The following NECAP1 variants were observed in gnomAD, a reference collection of about 807,000 sequenced individuals.
NECAP1 encodes adaptin ear-binding coat-associated protein 1.
Under a neutral mutation model 33.4 loss-of-function variants are expected in NECAP1, and 13 were observed. The ratio of observed to expected loss-of-function variants is 0.39; its 90% CI spans 0.25 to 0.62. The LOEUF is 0.62. NECAP1 is among the 20% of genes least tolerant of loss of function. The pLI, the probability that NECAP1 is intolerant of heterozygous loss-of-function variation, is 0.52. For missense variants in NECAP1, 272 were observed against 347.4 expected (o/e 0.78, Z 1.73); for synonymous variants, 109 against 125.2 (o/e 0.87, Z 0.86).
chr12:8,083,775 A>G lies in NECAP1; in HGVS notation c.95+1392A>G, dbSNP rs1230285791. On this transcript the variant is annotated intron_variant, in intron 1 of 7. Transcript: ENST00000339754. ...TGTTAGAGAGGCAGGGTCTCGTTCTATCATCCAGGCTGGAGTGCAAGTGGT... is the reference window on the plus strand; with the variant it reads ...TGTTAGAGAGGCAGGGTCTCGTTCTGTCATCCAGGCTGGAGTGCAAGTGGT... 6.7e-5 allele frequency among the ~76,000 whole-genome samples: 8 copies of G among 119,844 alleles called. No homozygotes were observed. In the East Asian group the frequency reaches 9.8e-4, roughly 15 times the overall value. 78.6% of individuals were successfully genotyped at this position (119,844 alleles called of 152,430 possible).
At chr12:8,086,888 G>A (rs748543629) in intron 1 of NECAP1, among the ~76,000 whole-genome samples, 26 of 151,764 alleles carry the variant, frequency 1.7e-4, no homozygotes, top group Non-Finnish European at 3.1e-4. Flanking sequence ...CCAAGATCGC[G>A]CCATTGCACT....
chr12:8,092,407 G>A (rs1947557838), intron 4 of NECAP1: 1 of 379,814 alleles, frequency 2.6e-6, no homozygotes. Context: ...GCCCTCAACT[G>A]TGGGGAATGG....
rs1947599830 is a variant in NECAP1, at chr12:8,096,869, G to C, written c.*779G>C. On this transcript the variant is annotated 3_prime_UTR_variant, in exon 8 of 8. Transcript: ENST00000339754. ...TGTGCTTTCCAAGTGATAGTCTATA[G>C]GAGTGTTTAATTTCTTGCAGCTCCA... 1 of 152,652 alleles carries C rather than the reference G, an allele frequency of 6.6e-6. No homozygotes were observed. The highest frequency in any genetic ancestry group is 1.5e-5 in the Non-Finnish European group (1 of 68,044). 9.5% of individuals were successfully genotyped at this position (152,652 alleles called of 1,614,324 possible). A position where few individuals can be genotyped will look rare whatever the true frequency, so the allele number is the denominator to read the frequency against.
intron 1 of NECAP1, among the ~76,000 whole-genome samples, chr12:8,087,941 G>C (rs1011721598): frequency 6.6e-6 from 1 of 152,004 alleles, no homozygotes; most frequent in Non-Finnish European, 1.5e-5. Flanking sequence ...CTCTCATCTT[G>C]TTAAACTCAT....
In NECAP1 at chr12:8,089,998, G is replaced by C; in HGVS notation, c.158G>C (p.Gly53Ala). The change falls in exon 2 of 8, where the codon GGG becomes GCG. Residue 53 changes from glycine to alanine, a missense_variant. By Grantham distance (60) the Gly-to-Ala change is moderately conservative. Coordinates refer to ENST00000339754, the MANE Select transcript of NECAP1 (RefSeq NM_015509.4). ...WTGRLRITSK[G>A]KTAYIKLEDK... ...GGTCGCCTCCGAATCACTTCAAAAG[G>C]GAAGACTGCCTATATCAAACTCGAG... 2 of 1,614,182 alleles carry C rather than the reference G, an allele frequency of 1.2e-6. No homozygotes were observed.
At chr12:8,088,095 T>G (rs1256933996) in intron 1 of NECAP1, among the ~76,000 whole-genome samples, 1 of 152,246 alleles carries the variant, frequency 6.6e-6, no homozygotes, top group African/African-American at 2.4e-5. Flanking sequence ...TACAATGTTT[T>G]GTAAAATTCA....
At chr12:8,092,161 C>T in intron 4 of NECAP1, 2 of 377,186 alleles carry the variant, frequency 5.3e-6, no homozygotes, top group East Asian at 1.2e-4. Context: ...TGTGGGGAGT[C>T]GTGTGCCACT....
chr12:8,094,439 G>A (rs1011418260), intron 6 of NECAP1, among the ~76,000 whole-genome samples: 4 of 152,070 alleles, frequency 2.6e-5, no homozygotes, highest in Non-Finnish European at 5.9e-5. Context: ...GTATATTTGT[G>A]TGGATCTGTA....
rs763448766 is a variant in NECAP1, at chr12:8,093,191, C to A, written c.676+136C>A. The A allele has an allele frequency of 5.9e-6, 5 of 843,860 alleles. No individual in the cohort carries two copies. In the East Asian group the frequency reaches 1.1e-4, roughly 19 times the overall value. 52.3% of individuals were successfully genotyped at this position (843,860 alleles called of 1,614,324 possible). A position where few individuals can be genotyped will look rare whatever the true frequency, so the allele number is the denominator to read the frequency against. On this transcript the variant is annotated intron_variant, in intron 6 of 7. Coordinates refer to ENST00000339754, the MANE Select transcript of NECAP1 (RefSeq NM_015509.4). ...ACAAGGTGATTCTGTCAGCTTCTAGCAAGGAATCAAAGCTTTTCTAGTGAA... is the reference window on the plus strand; with the variant it reads ...ACAAGGTGATTCTGTCAGCTTCTAGAAAGGAATCAAAGCTTTTCTAGTGAA...
At position 8,092,940 on chromosome 12, in the gene NECAP1, C is replaced by T; in HGVS notation, c.561C>T (p.Leu187=). Residue 187 remains leucine, a synonymous_variant, in exon 6 of 8, where the codon CTC becomes CTT. Transcript: ENST00000339754. ...RTARGGGLSL[L]PPPPGGKVTI... is the part of the protein sequence containing the mutation. ...CAAGGGGTGGGGGTCTGAGCTTACT[C>T]CCACCCCCGCCAGGAGGCAAAGTCA... 1.9e-6 allele frequency: 3 copies of T among 1,602,844 alleles called. No homozygotes were observed. Among genetic ancestry groups the T allele is most frequent in the South Asian group, 1.1e-5 (1 of 88,972 alleles).
rs116746694 is a variant in NECAP1 at position 8,089,849 on chromosome 12, A to G, written c.96-87A>G. 1.2e-3 allele frequency: 1,181 copies of G among 965,170 alleles called. 9 individuals carry two copies. In the African/African-American group the frequency reaches 0.016, roughly 13 times the overall value. 59.8% of individuals were successfully genotyped at this position (965,170 alleles called of 1,614,324 possible). ...GTAGAAAGAATAGGCAATCCAGGAT[A>G]GGGAAATAGAAATACAGTCAAAGAT... On this transcript the variant is annotated intron_variant, in intron 1 of 7. Coordinates refer to ENST00000339754, the MANE Select transcript of NECAP1 (RefSeq NM_015509.4).
rs777631283 is a variant in NECAP1, at chr12:8,092,654, A to T, written c.384-22A>T. ...TGCTTTCAGGAAATCTCAAACTAAG[A>T]TAACTTGCTGTGTTCCCAAAGGTGG... On this transcript the variant is annotated intron_variant, in intron 4 of 7. Coordinates refer to ENST00000339754, the MANE Select transcript of NECAP1 (RefSeq NM_015509.4). The T allele has an allele frequency of 3.2e-6, 5 of 1,567,160 alleles. No individual in the cohort carries two copies. In the Admixed American group the frequency reaches 8.8e-5, roughly 27 times the overall value.
At chr12:8,091,647 C>T (rs1030052977) in intron 3 of NECAP1, 122 bp from the exon 4 acceptor site, 67 of 774,188 alleles carry the variant, frequency 8.7e-5, no homozygotes, top group African/African-American at 7.7e-4. Flanking sequence ...TTTGCTCTCT[C>T]GTGTGCAACT....
chr12:8,082,513 GTTGTC>G, intron 1 of NECAP1, 130 bp downstream of exon 1: 1 of 782,232 alleles, frequency 1.3e-6, no homozygotes, highest in Non-Finnish European at 2.1e-6. Context: ...CCCTACCTGG[GTTGTC>G]ATCTCCCTGA....
rs950518535 is a variant in NECAP1, at chr12:8,089,987, C to A, written c.147C>A (p.Ile49=). The A allele has an allele frequency of 1.9e-6, 3 of 1,614,044 alleles. No individual in the cohort carries two copies. The highest frequency in any genetic ancestry group is 2.7e-5 in the African/African-American group (2 of 74,918). ...CTGATTGGACTGGTCGCCTCCGAAT[C>A]ACTTCAAAAGGGAAGACTGCCTATA... The part of the protein sequence containing the change: ...DQPDWTGRLR[I]TSKGKTAYIK... Residue 49 remains isoleucine (I), a synonymous_variant, in exon 2 of 8, where the codon ATC becomes ATA. Coordinates refer to ENST00000339754, the MANE Select transcript of NECAP1 (RefSeq NM_015509.4).
chr12:8,094,208 A>G (rs1196898885), intron 6 of NECAP1, among the ~76,000 whole-genome samples: 3 of 152,202 alleles, frequency 2.0e-5, no homozygotes, highest in Admixed American at 2.0e-4. Flanking sequence ...TGGGGATAGT[A>G]TCTAAGATTT....
At chr12:8,091,910 A>G (rs771252592) in intron 4 of NECAP1, 60 bp downstream of exon 4, 2 of 1,356,478 alleles carry the variant, frequency 1.5e-6, no homozygotes, top group East Asian at 2.3e-5. Flanking sequence ...TGCTTCTCAC[A>G]TGAATGGGCA....
At chr12:8,090,161 C>T in intron 2 of NECAP1, 34 bp from the exon 3 acceptor site, 1 of 1,611,082 alleles carries the variant, frequency 6.2e-7, no homozygotes. Context: ...TTTTGGCTTG[C>T]TTTACTCAAA....
chr12:8,085,938 CAG>C, intron 1 of NECAP1, among the ~76,000 whole-genome samples: 12 of 152,164 alleles, frequency 7.9e-5, no homozygotes, highest in African/African-American at 2.4e-4. Context: ...CTCCTGGCCT[CAG>C]GCAATCCACC....
Sources: gnomAD v4.1 joint callset for allele counts (sites outside exome capture counted in the v4.1 genomes callset) on GRCh38, gnomAD v4.1.1 for gene constraint, MANE v1.5 for transcripts, NCBI Gene and HGNC (gene_info 2026-07-23, HGNC 2026-07-21) for gene names.